CA10: variants seen among roughly 807,000 people sequenced by gnomAD.
CA10 encodes the protein carbonic anhydrase-related protein 10.
In CA10, 14 loss-of-function variants were observed where a neutral mutation model predicts 44.2. The ratio of observed to expected loss-of-function variants is 0.32; its 90% CI spans 0.21 to 0.50. The LOEUF (loss-of-function observed/expected upper bound fraction) is 0.50, where lower values mean the gene tolerates loss of function less well. Among genes scored for constraint, CA10 ranks in the 20% least tolerant of loss-of-function variants. The probability of loss-of-function intolerance (pLI) is 0.99; values close to 1 mark genes in which losing one functional copy is unlikely to be tolerated. For synonymous variants in CA10, 159 were observed against 141.6 expected, an observed-to-expected ratio of 1.12 and a Z score of -0.87; for missense variants, 350 against 409.7, an observed-to-expected ratio of 0.85 and a Z score of 1.26.
chr17:51,661,374 A>G (rs1914002001), intron 4 of CA10, among the ~76,000 whole-genome samples: 2 of 152,216 alleles, frequency 1.3e-5, no homozygotes, highest in Admixed American at 1.3e-4. Context: ...TCTAATGGGA[A>G]CCAAGACACT....
rs747405681 is a variant in CA10, at chr17:51,747,633, C to G, written c.465G>C (p.Glu155Asp). The G allele has an allele frequency of 6.2e-7, 1 of 1,607,322 alleles. No individual in the cohort carries two copies. The highest frequency in any genetic ancestry group is 1.1e-5 in the South Asian group (1 of 89,582). The change falls in exon 4 of 9, where the codon GAG (glutamate) becomes GAC (aspartate). Residue 155 changes from glutamate (E) to aspartate (D), a missense_variant and splice_region_variant. Transcript: ENST00000451037. Reference sequence around the variant, plus strand: ...TTAGTACTTTGACAGACTAACATACCTCCCCAGAGAAGGCCTGTCCATTGA... The same window carrying G: ...TTAGTACTTTGACAGACTAACATACGTCCCCAGAGAAGGCCTGTCCATTGA... ...HLLNGQAFSG[E>D]VQLIHYNHEL...
At chr17:52,030,881 G>A (rs1010857686) in intron 2 of CA10, among the ~76,000 whole-genome samples, 1 of 152,104 alleles carries the variant, frequency 6.6e-6, no homozygotes, top group Admixed American at 6.6e-5. Flanking sequence ...GTCATGGAAT[G>A]GGGATTGTCA....
chr17:51,936,743 T>C (rs1982884337), intron 2 of CA10, among the ~76,000 whole-genome samples: 1 of 152,134 alleles, frequency 6.6e-6, no homozygotes, highest in African/African-American at 2.4e-5. Flanking sequence ...GGTCTGATTT[T>C]TTAATTAAAG....
In CA10 at chr17:51,631,221, G is replaced by A. The variant is rs763465838; in HGVS notation, c.*363C>T. 1.4e-5 allele frequency: 3 copies of A among 218,836 alleles called. No homozygotes were observed. Among genetic ancestry groups the A allele is most frequent in the African/African-American group, 7.0e-5 (3 of 43,136 alleles). The allele number at this position is 218,836 out of a possible 1,614,324, so 13.6% of individuals were successfully genotyped here. On this transcript the variant is annotated 3_prime_UTR_variant, in exon 9 of 9. Coordinates refer to ENST00000451037, the MANE Select transcript of CA10 (RefSeq NM_020178.5). The stretch of plus-strand genomic sequence containing the variant: ...GGTAGATTTATTAGTTCAGGAAAAC[G>A]GTATCAAAATTGAAATCAGGTTAAC...
At chr17:51,666,730 T>C (rs934448766) in intron 4 of CA10, among the ~76,000 whole-genome samples, 2 of 152,124 alleles carry the variant, frequency 1.3e-5, no homozygotes, top group South Asian at 4.1e-4. Context: ...ATTTTAACTA[T>C]ACAAGGCACC....
At chr17:51,938,555 T>G (rs1214793937) in intron 2 of CA10, among the ~76,000 whole-genome samples, 1 of 152,170 alleles carries the variant, frequency 6.6e-6, no homozygotes, top group African/African-American at 2.4e-5. Context: ...AGCAGTGATA[T>G]GGGTCATCCA....
At chr17:51,978,366 C>CTGTGTGTGTGTCTGTATGTGTGTGTG (rs1984532192) in intron 2 of CA10, among the ~76,000 whole-genome samples, 2 of 149,880 alleles carry the variant, frequency 1.3e-5, no homozygotes, top group African/African-American at 5.0e-5. Flanking sequence ...ATACTCATAT[C>CTGTGTGTGTGTCTGTATGTGTGTGTG]TGTGTGTGTG....
At chr17:51,839,178 T>G (rs1441678088) in intron 3 of CA10, among the ~76,000 whole-genome samples, 1 of 152,176 alleles carries the variant, frequency 6.6e-6, no homozygotes, top group African/African-American at 2.4e-5. Context: ...CCCTACCATG[T>G]GCAGAATGTT....
rs1446553522 is a variant in CA10, at chr17:51,703,517, A to G, written c.465+44116T>C. ...TATTCTCTCCCCACCCCACCCATCC[A>G]TATTGTTTTGAGAATAAAATGAGAG... is the stretch of plus-strand genomic sequence containing the variant. On this transcript the variant is annotated intron_variant, in intron 4 of 8. Transcript: ENST00000451037. 4.0e-5 allele frequency among the ~76,000 whole-genome samples: 6 copies of G among 151,696 alleles called. 1 individual carries two copies. The highest frequency in any genetic ancestry group is 8.8e-5 in the Non-Finnish European group (6 of 67,972).
intron 1 of CA10, among the ~76,000 whole-genome samples, chr17:52,090,141 G>T (rs1292034788): frequency 5.3e-5 from 8 of 152,072 alleles, no homozygotes; most frequent in African/African-American, 1.9e-4. Flanking sequence ...ACCTCAGAAG[G>T]GAAGAGTAAG....
intron 1 of CA10, among the ~76,000 whole-genome samples, chr17:52,128,946 G>A (rs1045066186): frequency 4.6e-5 from 7 of 152,156 alleles, no homozygotes; most frequent in African/African-American, 1.7e-4. Context: ...CCATGACTAA[G>A]GCAAATCCTC....
At chr17:51,678,876 G>A (rs1298642781) in intron 4 of CA10, among the ~76,000 whole-genome samples, 1 of 152,184 alleles carries the variant, frequency 6.6e-6, no homozygotes, top group Non-Finnish European at 1.5e-5. Flanking sequence ...GGTACAGTAA[G>A]CCCTCTCCTT....
chr17:51,960,434 T>A (rs973860837), intron 2 of CA10, among the ~76,000 whole-genome samples: 4 of 151,706 alleles, frequency 2.6e-5, no homozygotes, highest in African/African-American at 4.8e-5. Context: ...AAAAAAAAAA[T>A]TTCATGCAAA....
At chr17:52,113,627 G>A (rs1246983180) in intron 1 of CA10, among the ~76,000 whole-genome samples, 1 of 152,152 alleles carries the variant, frequency 6.6e-6, no homozygotes, top group African/African-American at 2.4e-5. Flanking sequence ...AATTCAGATA[G>A]TTAATATTAT....
chr17:51,944,684 C>CA (rs376519168), intron 2 of CA10, among the ~76,000 whole-genome samples: 308 of 151,740 alleles, frequency 2.0e-3, no homozygotes, highest in African/African-American at 7.2e-3. Context: ...ACTGGAGGGA[C>CA]AAAAAAATAA....
chr17:51,841,578 T>C (rs1978320040), intron 3 of CA10, among the ~76,000 whole-genome samples: 2 of 152,170 alleles, frequency 1.3e-5, no homozygotes, highest in Admixed American at 6.5e-5. Flanking sequence ...TCAAGAGAAA[T>C]TGGACTAGAG....
At chr17:51,898,196 G>A (rs1981155216) in intron 3 of CA10, among the ~76,000 whole-genome samples, 1 of 152,230 alleles carries the variant, frequency 6.6e-6, no homozygotes, top group East Asian at 1.9e-4. Context: ...GATGTTGGCT[G>A]TGGGTTTGTC....
intron 3 of CA10, among the ~76,000 whole-genome samples, chr17:51,889,658 C>G (rs1351772909): frequency 6.6e-6 from 1 of 152,206 alleles, no homozygotes; most frequent in African/African-American, 2.4e-5. Context: ...CCTTTGGAGA[C>G]TAGCTGCTAG....
intron 2 of CA10, among the ~76,000 whole-genome samples, chr17:51,952,484 G>A (rs967580017): frequency 1.3e-5 from 2 of 151,902 alleles, no homozygotes; most frequent in East Asian, 1.9e-4. Context: ...GAGTTCAAGC[G>A]TTCAAGGCTG....
Sources: allele counts gnomAD v4.1 joint callset (sites outside exome capture counted in the v4.1 genomes callset), GRCh38; gene constraint gnomAD v4.1.1; transcripts MANE v1.5; gene names NCBI Gene and HGNC (gene_info 2026-07-23, HGNC 2026-07-21).